The following NPNT variants were observed in gnomAD, a reference collection of about 807,000 sequenced individuals.
NPNT encodes the protein preosteoblast EGF-like repeat protein with MAM domain.
Under a neutral mutation model 68.6 loss-of-function variants are expected in NPNT, and 45 were observed. The observed-to-expected ratio is 0.66, with a 90% CI of 0.52 to 0.84. The LOEUF (loss-of-function observed/expected upper bound fraction) is 0.84, where lower values mean the gene tolerates loss of function less well. Among genes scored for constraint, NPNT ranks in the 40% least tolerant of loss-of-function variants. NPNT has a pLI of 0.00. For missense variants in NPNT, 672 were observed against 714.8 expected (o/e 0.94, Z 0.68); for synonymous variants, 233 against 253.3 (o/e 0.92, Z 0.76).
intron 6 of NPNT, 116 bp downstream of exon 6, chr4:105,940,325 A>C: frequency 8.8e-7 from 1 of 1,137,804 alleles, no homozygotes; most frequent in Non-Finnish European, 1.3e-6. Context: ...GTTAAGTTAA[A>C]CCAACAGACA....
chr4:105,898,302 CTCTCTCTCTGTCTCTCTCTCTCTCTG>C (rs1165014915), intron 2 of NPNT, among the ~76,000 whole-genome samples: 11 of 126,670 alleles, frequency 8.7e-5, no homozygotes, highest in African/African-American at 4.0e-4. Flanking sequence ...CTCTCTCTCT[CTCTCTCTCTGTCTCTCTCTCTCTCTG>C]TCTCTCTCTC....
At chr4:105,938,902 G>A (rs1450020811) in intron 5 of NPNT, among the ~76,000 whole-genome samples, 1 of 152,128 alleles carries the variant, frequency 6.6e-6, no homozygotes, top group East Asian at 1.9e-4. Context: ...AAGAGACTTT[G>A]TTGCTTTGAG....
chr4:105,907,007 AGTGCTT>A (rs1726953444), intron 2 of NPNT, among the ~76,000 whole-genome samples: 1 of 152,230 alleles, frequency 6.6e-6, no homozygotes, highest in African/African-American at 2.4e-5. Context: ...ATCCCTGACC[AGTGCTT>A]ATTTCCCCAA....
chr4:105,964,262 A>G (rs893129792), intron 10 of NPNT, among the ~76,000 whole-genome samples: 1 of 152,208 alleles, frequency 6.6e-6, no homozygotes, highest in Non-Finnish European at 1.5e-5. Flanking sequence ...TCCATTACTC[A>G]TCAGATGTAC....
intron 10 of NPNT, among the ~76,000 whole-genome samples, chr4:105,960,921 A>G (rs9990974): frequency 0.094 from 14,321 of 152,164 alleles, 867 homozygotes; most frequent in African/African-American, 0.18. Flanking sequence ...GTATTTGAAA[A>G]CCATCCCCAA....
At chr4:105,944,347 T>C (rs1730214835) in intron 8 of NPNT, among the ~76,000 whole-genome samples, 1 of 152,202 alleles carries the variant, frequency 6.6e-6, no homozygotes, top group Non-Finnish European at 1.5e-5. Context: ...TAAGTAATTA[T>C]GGTATTTACA....
At chr4:105,936,599 G>A (rs1363342535) in intron 3 of NPNT, among the ~76,000 whole-genome samples, 1 of 152,234 alleles carries the variant, frequency 6.6e-6, no homozygotes, top group Non-Finnish European at 1.5e-5. Context: ...GAGAAAGGAA[G>A]ACATTGAACG....
intron 10 of NPNT, among the ~76,000 whole-genome samples, chr4:105,962,237 A>G (rs533701568): frequency 6.6e-6 from 1 of 152,346 alleles, no homozygotes; most frequent in South Asian, 2.1e-4. Flanking sequence ...TGAGAAGAAT[A>G]GAGTTGGTCA....
At chr4:105,928,613 CAAA>C (rs75354182) in intron 3 of NPNT, among the ~76,000 whole-genome samples, 8 of 92,476 alleles carry the variant, frequency 8.7e-5, no homozygotes, top group Admixed American at 1.1e-4. Context: ...AACTCTGTCT[CAAA>C]AAAAAAAAAA....
At chr4:105,943,885 C>T (rs973078626) in intron 8 of NPNT, among the ~76,000 whole-genome samples, 15 of 152,068 alleles carry the variant, frequency 9.9e-5, no homozygotes, top group South Asian at 2.1e-4. Context: ...TGAGGCAGAC[C>T]GATCGCTTGA....
At chr4:105,960,289 C>T (rs1057014034) in intron 10 of NPNT, among the ~76,000 whole-genome samples, 6 of 152,146 alleles carry the variant, frequency 3.9e-5, no homozygotes, top group Non-Finnish European at 7.4e-5. Context: ...TGGATAAGAG[C>T]ACCAAACACA....
chr4:105,912,184 G>T, intron 2 of NPNT: 1 of 1,531,766 alleles, frequency 6.5e-7, no homozygotes, highest in Non-Finnish European at 8.7e-7. Flanking sequence ...CATTTGTTTT[G>T]CAGCTTTCTA....
intron 8 of NPNT, among the ~76,000 whole-genome samples, chr4:105,956,572 A>G (rs1014919620): frequency 1.3e-5 from 2 of 152,192 alleles, no homozygotes; most frequent in African/African-American, 2.4e-5. Flanking sequence ...GATGATTTAT[A>G]TAAGTTACAA....
intron 2 of NPNT, among the ~76,000 whole-genome samples, chr4:105,898,328 G>GTCTCTCTCTC (rs66945682): frequency 0.01 from 556 of 53,906 alleles, 36 homozygotes; most frequent in South Asian, 0.012. Context: ...CTCTCTCTCT[G>GTCTCTCTCTC]TCTCTCTCTC....
intron 8 of NPNT, among the ~76,000 whole-genome samples, chr4:105,954,701 C>T (rs1050756238): frequency 6.6e-6 from 1 of 152,166 alleles, no homozygotes; most frequent in Non-Finnish European, 1.5e-5. Flanking sequence ...ATGTTTCAGT[C>T]CCCTCTCTTT....
At chr4:105,898,599 C>T (rs1726152235) in intron 2 of NPNT, among the ~76,000 whole-genome samples, 1 of 152,018 alleles carries the variant, frequency 6.6e-6, no homozygotes, top group African/African-American at 2.4e-5. Context: ...TTAAATGGAC[C>T]ACCCAGTATA....
rs1725792811 is a variant in NPNT, at chr4:105,895,924, C to T, written c.71+201C>T. 4.6e-5 allele frequency: 26 copies of T among 571,108 alleles called. No individual in the cohort carries two copies. The South Asian group carries it at 5.3e-4, about 12-fold the overall frequency. The allele number at this position is 571,108 out of a possible 1,614,324, so 35.4% of individuals were successfully genotyped here. A position where few individuals can be genotyped will look rare whatever the true frequency, so the allele number is the denominator to read the frequency against. ...CCGAGGCGGAGAGGGCGCGCCCTTG[C>T]GAGTCTGGGACCCCATCCGCGGCCC... On this transcript the variant is annotated intron_variant, in intron 1 of 11. Transcript: ENST00000379987.
At chr4:105,966,638 A>AT (rs929998714) in intron 10 of NPNT, among the ~76,000 whole-genome samples, 23 of 148,862 alleles carry the variant, frequency 1.5e-4, no homozygotes, top group South Asian at 4.3e-4. Flanking sequence ...GCCAACTCTG[A>AT]TTTTTTTTTT....
At chr4:105,967,104 A>G in intron 10 of NPNT, 84 bp from the exon 11 acceptor site, 3 of 1,395,474 alleles carry the variant, frequency 2.1e-6, no homozygotes, top group Admixed American at 4.7e-5. Flanking sequence ...AGAAAAAAAA[A>G]AAAAAACTAA....
Sources: allele counts gnomAD v4.1 joint callset (sites outside exome capture counted in the v4.1 genomes callset), GRCh38; gene constraint gnomAD v4.1.1; transcripts MANE v1.5; gene names NCBI Gene and HGNC (gene_info 2026-07-23, HGNC 2026-07-21).